The following REDIC1 variants were observed in gnomAD, a reference collection of about 807,000 sequenced individuals.
The protein encoded by REDIC1 is HEI10 Interacting Protein 1.
At chr12:39,678,181 T>G in the REDIC1 span, among the ~76,000 whole-genome samples, 2 of 150,678 alleles carry the variant, frequency 1.3e-5, no homozygotes, top group African/African-American at 4.9e-5. Context: ...AAGATAAAAT[T>G]GATGGACCAT....
chr12:39,729,980 GC>G, the REDIC1 span, among the ~76,000 whole-genome samples: 51 of 152,064 alleles, frequency 3.4e-4, no homozygotes, highest in Non-Finnish European at 6.5e-4. Flanking sequence ...TAGGATTGCA[GC>G]CCCTGCTTTT....
chr12:39,646,473 C>A, the REDIC1 span: 1 of 1,551,302 alleles, frequency 6.4e-7, no homozygotes. Flanking sequence ...TAGGTTTTAG[C>A]TAGGATTTAT....
chr12:39,763,242 A>G, the REDIC1 span, among the ~76,000 whole-genome samples: 2 of 152,106 alleles, frequency 1.3e-5, no homozygotes, highest in African/African-American at 4.8e-5. Context: ...CCTTTCCAAG[A>G]AAATAAATAT....
the REDIC1 span, among the ~76,000 whole-genome samples, chr12:39,902,975 A>G: frequency 2.0e-5 from 3 of 152,130 alleles, no homozygotes; most frequent in African/African-American, 7.2e-5. Context: ...GTTTGTTCAT[A>G]AAAAGCTAAT....
chr12:39,793,930 G>A, the REDIC1 span, among the ~76,000 whole-genome samples: 2 of 151,948 alleles, frequency 1.3e-5, no homozygotes, highest in Non-Finnish European at 2.9e-5. Context: ...AGCTCATTAT[G>A]GTTGGTCAGT....
At chr12:39,776,797 C>A in the REDIC1 span, among the ~76,000 whole-genome samples, 17 of 152,232 alleles carry the variant, frequency 1.1e-4, no homozygotes, top group East Asian at 7.7e-4. Flanking sequence ...CTGAGGAAAT[C>A]AAGCATGTCT....
At chr12:39,684,104 T>G in the REDIC1 span, 1 of 983,448 alleles carries the variant, frequency 1.0e-6, no homozygotes, top group Non-Finnish European at 1.2e-6. Context: ...ACCAGATTTT[T>G]CTTTCTCTTC....
At chr12:39,707,656 A>G in the REDIC1 span, among the ~76,000 whole-genome samples, 1 of 151,960 alleles carries the variant, frequency 6.6e-6, no homozygotes, top group Admixed American at 6.6e-5. Context: ...TTAATTAAAC[A>G]CAATCTAATA....
chr12:39,775,924 AG>A, the REDIC1 span, among the ~76,000 whole-genome samples: 2 of 152,182 alleles, frequency 1.3e-5, no homozygotes, highest in Admixed American at 1.3e-4. Context: ...TGCTCCAATG[AG>A]CGTTTCCTTT....
chr12:39,725,887 G>C, the REDIC1 span, among the ~76,000 whole-genome samples: 4 of 151,974 alleles, frequency 2.6e-5, no homozygotes, highest in Non-Finnish European at 4.4e-5. Context: ...GGGTGTGTGT[G>C]TGTTCATTTT....
the REDIC1 span, chr12:39,684,143 T>A: frequency 2.7e-4 from 273 of 1,006,384 alleles, no homozygotes; most frequent in Non-Finnish European, 3.2e-4. Context: ...ATGTTCTGAG[T>A]TTAAGGTGAT....
chr12:39,710,370 G>A, the REDIC1 span, among the ~76,000 whole-genome samples: 1 of 151,734 alleles, frequency 6.6e-6, no homozygotes, highest in Admixed American at 6.6e-5. Flanking sequence ...AAGCCTTCTT[G>A]AAACTTGAAT....
chr12:39,696,822 CA>C, the REDIC1 span, among the ~76,000 whole-genome samples: 1 of 151,998 alleles, frequency 6.6e-6, no homozygotes, highest in Non-Finnish European at 1.5e-5. Flanking sequence ...CAGAACTGAT[CA>C]AGCAGCACAA....
the REDIC1 span, among the ~76,000 whole-genome samples, chr12:39,881,717 T>G: frequency 6.6e-6 from 1 of 152,192 alleles, no homozygotes; most frequent in African/African-American, 2.4e-5. Context: ...ATCCAGAGGC[T>G]AGGCTGTTTT....
the REDIC1 span, among the ~76,000 whole-genome samples, chr12:39,711,477 ATG>A: frequency 5.6e-5 from 8 of 142,554 alleles, no homozygotes; most frequent in African/African-American, 2.1e-4. Context: ...ACATATATGT[ATG>A]TGTATATATG....
At chr12:39,712,305 CAT>C in the REDIC1 span, among the ~76,000 whole-genome samples, 74 of 58,364 alleles carry the variant, frequency 1.3e-3, no homozygotes, top group Middle Eastern at 0.023. Flanking sequence ...TATATACATA[CAT>C]ATATATGTAT....
At chr12:39,761,995 G>A in the REDIC1 span, among the ~76,000 whole-genome samples, 9 of 152,070 alleles carry the variant, frequency 5.9e-5, no homozygotes, top group Non-Finnish European at 5.9e-5. Flanking sequence ...GATTCCTGAA[G>A]TTGATTACAG....
At chr12:39,900,294 C>T in the REDIC1 span, among the ~76,000 whole-genome samples, 1 of 152,092 alleles carries the variant, frequency 6.6e-6, no homozygotes, top group Non-Finnish European at 1.5e-5. Context: ...ACAGGGATGC[C>T]CTCTCTCACC....
At chr12:39,786,027 T>C in the REDIC1 span, among the ~76,000 whole-genome samples, 2 of 152,268 alleles carry the variant, frequency 1.3e-5, no homozygotes, top group Admixed American at 6.5e-5. Flanking sequence ...CTGTGGACTT[T>C]TGAGTTAATG....
Sources: gnomAD v4.1 joint callset for allele counts (sites outside exome capture counted in the v4.1 genomes callset) on GRCh38, gnomAD v4.1.1 for gene constraint, MANE v1.5 for transcripts, NCBI Gene and HGNC (gene_info 2026-07-23, HGNC 2026-07-21) for gene names.